Variants in KIAA0930 observed in about 807,000 individuals in gnomAD.
KIAA0930 encodes the protein uncharacterized protein KIAA0930.
Under a neutral mutation model 43.9 loss-of-function variants are expected in KIAA0930, and 24 were observed. The ratio of observed to expected loss-of-function variants is 0.55; its 90% confidence interval spans 0.40 to 0.77. KIAA0930 has a LOEUF of 0.77. KIAA0930 is among the 30% of genes least tolerant of loss of function. KIAA0930 has a pLI of 0.00. For missense variants in KIAA0930, 461 were observed against 574.2 expected (o/e 0.80, Z 2.02); for synonymous variants, 259 against 216.4 (o/e 1.20, Z -1.73).
intron 8 of KIAA0930, 171 bp from the exon 9 acceptor site, chr22:45,198,119 G>A (rs2083554151): frequency 3.2e-6 from 2 of 627,506 alleles, no homozygotes; most frequent in Admixed American, 2.9e-5. Flanking sequence ...CTCCTCGCCT[G>A]TAACACCCCT....
intron 1 of KIAA0930, among the ~76,000 whole-genome samples, chr22:45,215,765 G>A (rs184637071): frequency 2.0e-5 from 3 of 152,350 alleles, no homozygotes; most frequent in African/African-American, 7.2e-5. Context: ...AGACGAGAAC[G>A]CTAGGAGTGG....
intron 1 of KIAA0930, among the ~76,000 whole-genome samples, chr22:45,237,255 T>A (rs2083893306): frequency 6.6e-6 from 1 of 152,260 alleles, no homozygotes; most frequent in Non-Finnish European, 1.5e-5. Context: ...GCAGCCCCAC[T>A]GCTTCCAGCA....
At chr22:45,219,435 C>A (rs1173065891) in intron 1 of KIAA0930, among the ~76,000 whole-genome samples, 1 of 152,054 alleles carries the variant, frequency 6.6e-6, no homozygotes, top group Non-Finnish European at 1.5e-5. Flanking sequence ...AGGATTAAAC[C>A]ATTAAACCAC....
chr22:45,219,341 T>C (rs141893699), intron 1 of KIAA0930, among the ~76,000 whole-genome samples: 3 of 152,286 alleles, frequency 2.0e-5, no homozygotes, highest in African/African-American at 7.2e-5. Context: ...ACTTGGAACA[T>C]TTTCCACTAA....
In KIAA0930 at chr22:45,231,407, C is replaced by T. The variant is rs1317207146; in HGVS notation, c.64+9233G>A. ...TGGGAAGAAAGATAGTTTTCACCTC[C>T]TACATTGGCAGTGGGGCCTGAAGAT... On this transcript the variant is annotated intron_variant, in intron 1 of 9. Transcript: ENST00000336156. Among the ~76,000 whole-genome samples the T allele has an allele frequency of 2.6e-5, 4 of 152,008 alleles. No homozygotes were observed. The East Asian group carries it at 5.9e-4, about 22-fold the overall frequency.
chr22:45,235,063 G>A (rs1182652759), intron 1 of KIAA0930, among the ~76,000 whole-genome samples: 1 of 151,984 alleles, frequency 6.6e-6, no homozygotes, highest in East Asian at 1.9e-4. Flanking sequence ...TCTCCTGCTT[G>A]GGGCTTCTTT....
intron 2 of KIAA0930, among the ~76,000 whole-genome samples, chr22:45,210,183 T>C (rs1389357620): frequency 6.6e-6 from 1 of 152,212 alleles, no homozygotes; most frequent in Non-Finnish European, 1.5e-5. Flanking sequence ...AGACTCTGCC[T>C]TGGGGAAAAG....
chr22:45,205,124 C>T (rs2083624529), intron 5 of KIAA0930, 93 bp downstream of exon 5: 1 of 995,808 alleles, frequency 1.0e-6, no homozygotes, highest in Non-Finnish European at 1.6e-6. Context: ...GCCACCCATG[C>T]CTTTCTGCAA....
At chr22:45,211,407 C>T in intron 2 of KIAA0930, 1 of 399,326 alleles carries the variant, frequency 2.5e-6, no homozygotes, top group Admixed American at 4.4e-5. Flanking sequence ...CGAATCACTT[C>T]ATCTCCGAGC....
intron 4 of KIAA0930, 52 bp downstream of exon 4, chr22:45,205,578 C>T (rs1940076049): frequency 6.4e-7 from 1 of 1,563,476 alleles, no homozygotes; most frequent in Non-Finnish European, 8.8e-7. Context: ...CTCTGCCACG[C>T]CCAGCCTGAA....
intron 1 of KIAA0930, among the ~76,000 whole-genome samples, chr22:45,224,015 T>C (rs1307233636): frequency 1.3e-5 from 2 of 152,204 alleles, no homozygotes; most frequent in African/African-American, 4.8e-5. Flanking sequence ...AGAAAAACTA[T>C]GAAGGAGAAA....
At chr22:45,226,069 G>C (rs928923109) in intron 1 of KIAA0930, 4 of 358,634 alleles carry the variant, frequency 1.1e-5, no homozygotes, top group Non-Finnish European at 2.3e-5. Context: ...ACCACAGAGA[G>C]CCAGTGAACG....
intron 1 of KIAA0930, chr22:45,213,247 C>T: frequency 8.3e-7 from 1 of 1,203,870 alleles, no homozygotes; most frequent in Non-Finnish European, 1.1e-6. Flanking sequence ...CACAGCCAGC[C>T]CCAGCCCTCG....
chr22:45,219,582 GT>G (rs535482000), intron 1 of KIAA0930, among the ~76,000 whole-genome samples: 4,139 of 61,162 alleles, frequency 0.068, 60 homozygotes, highest in East Asian at 0.12. Flanking sequence ...AGAGGTGATT[GT>G]TTTTTTTTTT....
At chr22:45,223,457 T>A (rs2083779392) in intron 1 of KIAA0930, among the ~76,000 whole-genome samples, 1 of 152,214 alleles carries the variant, frequency 6.6e-6, no homozygotes, top group Non-Finnish European at 1.5e-5. Context: ...TCCTGGTGCC[T>A]GTTTCCTGAC....
chr22:45,228,539 T>C (rs945677649), intron 1 of KIAA0930, among the ~76,000 whole-genome samples: 2 of 152,156 alleles, frequency 1.3e-5, no homozygotes, highest in African/African-American at 4.8e-5. Context: ...AGGCCTACAG[T>C]GACTTCCCAG....
chr22:45,203,940 CCACA>C lies in KIAA0930; in HGVS notation c.558_561del (p.Cys186TrpfsTer34). ...TTGGTTTTGTCACTAGCCACCAGCT[CCACA>C]CAGACCATCTCTCCTTCCCCTACGG... On this transcript the variant is annotated frameshift_variant, in exon 6 of 10. Transcript: ENST00000336156. LOFTEE classifies it high-confidence loss of function. The C allele has an allele frequency of 6.2e-7, 1 of 1,614,076 alleles. No homozygotes were observed.
At chr22:45,205,770 G>GCACC in intron 3 of KIAA0930, 23 bp downstream of exon 3, 5 of 1,523,780 alleles carry the variant, frequency 3.3e-6, no homozygotes, top group Non-Finnish European at 3.6e-6. Flanking sequence ...CCAATCCGCA[G>GCACC]CCCCACCCAT....
rs1469193932 is a variant in KIAA0930 at position 45,194,962 on chromosome 22, T to G, written c.*2214A>C. 1 of 152,206 alleles carries G rather than the reference T, an allele frequency of 6.6e-6. No homozygotes were observed. The highest frequency in any genetic ancestry group is 1.5e-5 in the Non-Finnish European group (1 of 68,052). The allele number at this position is 152,206 out of a possible 1,614,324, so 9.4% of individuals were successfully genotyped here. On this transcript the variant is annotated 3_prime_UTR_variant, in exon 10 of 10. Transcript: ENST00000336156. ...ATGGGGTCGGACAGGCAGCTGCACA[T>G]GGTAGGCGCTGTGTGTCGGCTATGA...
Sources: gnomAD v4.1 joint callset for allele counts (sites outside exome capture counted in the v4.1 genomes callset) on GRCh38, gnomAD v4.1.1 for gene constraint, MANE v1.5 for transcripts, NCBI Gene and HGNC (gene_info 2026-07-23, HGNC 2026-07-21) for gene names.